Variants in FBXW10 observed in about 807,000 individuals in gnomAD.
FBXW10 encodes F-box/WD repeat-containing protein 10.
A neutral mutation model predicts 113.1 loss-of-function variants in FBXW10; 68 were observed. The ratio of observed to expected loss-of-function variants is 0.60; its 90% confidence interval spans 0.49 to 0.74. The LOEUF is 0.74. Ranked by LOEUF, FBXW10 falls within the 30% of genes least tolerant of loss-of-function variation. FBXW10 has a pLI of 0.00. For missense variants in FBXW10, 753 were observed against 1,284.5 expected, an observed-to-expected ratio of 0.59 and a Z score of 6.32; for synonymous variants, 289 against 481.6, an observed-to-expected ratio of 0.60 and a Z score of 5.24.
Position 18,772,451 on chromosome 17 carries a change from G to A in FBXW10, c.2046G>A (p.Gln682=). 6.2e-7 allele frequency: 1 copy of A among 1,614,140 alleles called. No homozygotes were observed. The highest frequency in any genetic ancestry group is 8.5e-7 in the Non-Finnish European group (1 of 1,179,988). ...VNTESNVLMF[Q]FEHIKWQYAV... The stretch of plus-strand genomic sequence containing the variant: ...CAGAGAGCAATGTTCTCATGTTCCA[G>A]TTTGAGCACATAAAGTGGCAGTATG... Residue 682 remains glutamine, a synonymous_variant, in exon 12 of 14, where the codon CAG becomes CAA. Coordinates refer to ENST00000395665, the MANE Select transcript of FBXW10 (RefSeq NM_001267585.2).
intron 7 of FBXW10, among the ~76,000 whole-genome samples, chr17:18,762,767 A>C (rs1391880635): frequency 2.6e-5 from 4 of 151,956 alleles, no homozygotes; most frequent in Non-Finnish European, 4.4e-5. Flanking sequence ...AAGGGAATAC[A>C]TCTACAGTTT....
intron 12 of FBXW10, among the ~76,000 whole-genome samples, chr17:18,774,681 G>A (rs1410333285): frequency 6.6e-6 from 1 of 152,204 alleles, no homozygotes; most frequent in East Asian, 1.9e-4. Flanking sequence ...TGTAATTCCA[G>A]CACTTTGGGA....
chr17:18,778,755 G>A lies in FBXW10; in HGVS notation c.2616G>A (p.Leu872=), dbSNP rs375662938. The change falls in exon 14 of 14, where the codon TTG becomes TTA. Residue 872 remains leucine, a synonymous_variant. Transcript: ENST00000395665. ...SIQRAVDRLR[L]SNPPIDVKRT... ...AACGTGCAGTTGATCGGTTGAGATT[G>A]AGCAATCCTCCTATAGATGTGAAAC... 3.1e-6 allele frequency: 5 copies of A among 1,613,510 alleles called. No individual in the cohort carries two copies. Among genetic ancestry groups the A allele is most frequent in the African/African-American group, 1.3e-5 (1 of 74,844 alleles).
intron 7 of FBXW10, among the ~76,000 whole-genome samples, chr17:18,762,108 G>A (rs968611976): frequency 1.0e-3 from 145 of 145,318 alleles, no homozygotes; most frequent in African/African-American, 3.5e-3. Flanking sequence ...GACTACAGGC[G>A]CCCACCACCA....
Position 18,744,107 on chromosome 17 carries a change from T to C in FBXW10, c.-138T>C. 2.8e-6 allele frequency: 4 copies of C among 1,425,402 alleles called. No homozygotes were observed. Among genetic ancestry groups the C allele is most frequent in the African/African-American group, 1.4e-5 (1 of 70,404 alleles). The allele number at this position is 1,425,402 out of a possible 1,614,324, so 88.3% of individuals were successfully genotyped here. The stretch of plus-strand genomic sequence containing the variant: ...ATAGGCTTTCCATCCATGGCAGCCA[T>C]TTACTTTTGCTCTGGGAGACGTTTG... On this transcript the variant is annotated 5_prime_UTR_variant, in exon 1 of 14. Transcript: ENST00000395665.
intron 13 of FBXW10, among the ~76,000 whole-genome samples, chr17:18,778,239 C>T (rs1243180740): frequency 1.3e-5 from 2 of 152,104 alleles, no homozygotes; most frequent in African/African-American, 4.8e-5. Flanking sequence ...GGTGACAGAG[C>T]GAGACTCCGT....
intron 10 of FBXW10, 56 bp from the exon 11 acceptor site, chr17:18,769,871 A>T (rs1444370370): frequency 3.8e-6 from 6 of 1,587,086 alleles, no homozygotes; most frequent in Non-Finnish European, 5.2e-6. Flanking sequence ...ACCTACAAAC[A>T]AACCCAGGCA....
chr17:18,762,479 G>A (rs1224440281), intron 7 of FBXW10, among the ~76,000 whole-genome samples: 2 of 151,198 alleles, frequency 1.3e-5, no homozygotes, highest in African/African-American at 2.4e-5. Flanking sequence ...CACCACGCCC[G>A]GCGGCTAATG....
intron 7 of FBXW10, 51 bp from the exon 8 acceptor site, chr17:18,764,691 A>G: frequency 6.2e-7 from 1 of 1,613,536 alleles, no homozygotes; most frequent in South Asian, 1.1e-5. Flanking sequence ...ACGCAGTATG[A>G]TCCTCTGGGC....
chr17:18,772,279 C>A (rs532407691), intron 11 of FBXW10, 133 bp from the exon 12 acceptor site: 51 of 793,340 alleles, frequency 6.4e-5, no homozygotes, highest in Non-Finnish European at 1.1e-4. Flanking sequence ...CAGCTGCCTA[C>A]ACTACTAGTC....
intron 2 of FBXW10, 152 bp from the exon 3 acceptor site, chr17:18,749,570 A>G (rs1317753841): frequency 1.7e-5 from 14 of 821,964 alleles, no homozygotes; most frequent in South Asian, 1.3e-4. Context: ...TTCTATTCTC[A>G]AGTGGCAGAA....
chr17:18,747,765 T>C (rs1397259652), intron 1 of FBXW10, among the ~76,000 whole-genome samples, 176 bp from the exon 2 acceptor site: 2 of 151,858 alleles, frequency 1.3e-5, no homozygotes, highest in Non-Finnish European at 2.9e-5. Flanking sequence ...ACAGGAAGCT[T>C]TCTGAGATTT....
intron 12 of FBXW10, among the ~76,000 whole-genome samples, chr17:18,773,265 C>G (rs147788841): frequency 6.6e-6 from 1 of 152,188 alleles, no homozygotes; most frequent in African/African-American, 2.4e-5. Context: ...TTATAAGAAC[C>G]TTTGCACAGT....
At chr17:18,770,355 G>A (rs1472783776) in intron 11 of FBXW10, among the ~76,000 whole-genome samples, 5 of 151,422 alleles carry the variant, frequency 3.3e-5, no homozygotes, top group African/African-American at 1.2e-4. Context: ...ACAGGCTGGA[G>A]TGCAGTGATG....
chr17:18,753,766 C>T (rs1397671824), intron 5 of FBXW10, among the ~76,000 whole-genome samples: 4 of 151,470 alleles, frequency 2.6e-5, no homozygotes, highest in South Asian at 2.1e-4. Flanking sequence ...CCCAGCTACC[C>T]GGGAGGCTGA....
chr17:18,753,077 G>C (rs550821268), intron 5 of FBXW10, among the ~76,000 whole-genome samples: 9 of 152,270 alleles, frequency 5.9e-5, no homozygotes, highest in African/African-American at 1.9e-4. Context: ...TTAAGTTCCA[G>C]GTCCCTTTCT....
chr17:18,754,202 C>G (rs2035219809), intron 5 of FBXW10, among the ~76,000 whole-genome samples: 1 of 151,746 alleles, frequency 6.6e-6, no homozygotes, highest in East Asian at 2.0e-4. Flanking sequence ...AATTTAAACT[C>G]AGGTCTTTCC....
intron 1 of FBXW10, among the ~76,000 whole-genome samples, chr17:18,747,578 C>CA (rs1160744663): frequency 1.3e-5 from 2 of 151,384 alleles, no homozygotes; most frequent in Non-Finnish European, 2.9e-5. Flanking sequence ...ACAAACAAAC[C>CA]AAAAAAAAGT....
At chr17:18,752,013 T>G (rs1364186813) in intron 5 of FBXW10, among the ~76,000 whole-genome samples, 1 of 141,812 alleles carries the variant, frequency 7.1e-6, no homozygotes, top group Non-Finnish European at 1.6e-5. Flanking sequence ...TTTTAAAGTC[T>G]ATTTAATTGG....
Sources: allele counts gnomAD v4.1 joint callset (sites outside exome capture counted in the v4.1 genomes callset), GRCh38; gene constraint gnomAD v4.1.1; transcripts MANE v1.5; gene names NCBI Gene and HGNC (gene_info 2026-07-23, HGNC 2026-07-21).